The following OR52N2 variants were observed in gnomAD, a reference collection of about 807,000 sequenced individuals.
The protein encoded by OR52N2 is olfactory receptor family 52 subfamily N member 2.
For synonymous variants in OR52N2, 129 were observed against 72.0 expected, an observed-to-expected ratio of 1.79 and a Z score of -4.01; for missense variants, 326 against 196.6, an observed-to-expected ratio of 1.66 and a Z score of -3.94.
At chr11:5,819,117 A>G (rs1041756556) in intron 1 of OR52N2, among the ~76,000 whole-genome samples, 6 of 152,158 alleles carry the variant, frequency 3.9e-5, no homozygotes, top group Non-Finnish European at 5.9e-5. Context: ...CTGCAAATGT[A>G]TATCTATTTC....
In OR52N2 at chr11:5,820,674, G is replaced by A. The variant is rs896770442; in HGVS notation, c.339G>A (p.Glu113=). The change falls in exon 2 of 2, where the codon GAG becomes GAA. Residue 113 remains glutamate (E), a synonymous_variant. Transcript: ENST00000317037. ...MFFVHMLTGM[E]SGVLMLMALD... is the part of the protein sequence containing the mutation. The stretch of plus-strand genomic sequence containing the variant: ...TTGTCCATATGCTGACAGGGATGGA[G>A]TCTGGGGTGCTCATGCTCATGGCCC... The A allele has an allele frequency of 1.3e-6, 1 of 792,670 alleles. No individual in the cohort carries two copies. The highest frequency in any genetic ancestry group is 1.7e-5 in the Admixed American group (1 of 59,050). The allele number at this position is 792,670 out of a possible 1,614,324, so 49.1% of individuals were successfully genotyped here.
chr11:5,820,160 T>C (rs1481915261), intron 1 of OR52N2, among the ~76,000 whole-genome samples, 122 bp from the exon 2 acceptor site: 1 of 152,202 alleles, frequency 6.6e-6, no homozygotes, highest in Non-Finnish European at 1.5e-5. Context: ...TCTTTCTTGC[T>C]ATAGTTGGAA....
chr11:5,815,388 C>A (rs563201623), intron 1 of OR52N2, among the ~76,000 whole-genome samples: 29 of 152,010 alleles, frequency 1.9e-4, no homozygotes, highest in African/African-American at 5.3e-4. Flanking sequence ...ACAACAACAA[C>A]AAACAGCTTA....
chr11:5,811,062 A>G (rs1029562766), intron 1 of OR52N2, among the ~76,000 whole-genome samples: 4 of 151,020 alleles, frequency 2.6e-5, no homozygotes, highest in Non-Finnish European at 5.9e-5. Flanking sequence ...AAATATTTAT[A>G]AAATATGATA....
rs749362412 is a variant in OR52N2 at position 5,821,068 on chromosome 11, T to C, written c.733T>C (p.Ser245Pro). ...TCACAAAGCCTTCAGCACCTGCACA[T>C]CTCACATGTGTTCCATTGTGATCAC... ...ARHKAFSTCT[S>P]HMCSIVITYV... The change falls in exon 2 of 2, where the codon TCT becomes CCT. Residue 245 changes from serine to proline, a missense_variant. Physicochemically the swap from Ser to Pro is moderately conservative, Grantham distance 74 (BLOSUM62 -1). Coordinates refer to ENST00000317037, the MANE Select transcript of OR52N2 (RefSeq NM_001005174.3). 1 of 780,914 alleles carries C rather than the reference T, an allele frequency of 1.3e-6. No individual in the cohort carries two copies. Among genetic ancestry groups the C allele is most frequent in the Non-Finnish European group, 2.4e-6 (1 of 418,106 alleles). 48.4% of individuals were successfully genotyped at this position (780,914 alleles called of 1,614,324 possible). A position where few individuals can be genotyped will look rare whatever the true frequency, so the allele number is the denominator to read the frequency against.
intron 1 of OR52N2, among the ~76,000 whole-genome samples, chr11:5,812,167 ATTC>A (rs1846367008): frequency 1.2e-5 from 1 of 86,630 alleles, no homozygotes; most frequent in South Asian, 3.4e-4. Context: ...AAACCTGCAC[ATTC>A]TGCACACGTA....
At chr11:5,811,288 AAT>A (rs1185681936) in intron 1 of OR52N2, among the ~76,000 whole-genome samples, 1 of 30,988 alleles carries the variant, frequency 3.2e-5, no homozygotes, top group East Asian at 6.5e-4. Flanking sequence ...AACTCTGAAT[AAT>A]ACTGTTATGG....
chr11:5,820,498 G>A lies in OR52N2; in HGVS notation c.163G>A (p.Glu55Lys). ...GCTCATCTGCCTCATCAGCCATGAG[G>A]AGGCCCTGCACCGGCCCATGTACTA... ...CGLICLISHE[E>K]ALHRPMYYFL... is the part of the protein sequence containing the mutation. Residue 55 changes from glutamate to lysine, a missense_variant, in exon 2 of 2, where the codon GAG becomes AAG. Coordinates refer to ENST00000317037, the MANE Select transcript of OR52N2 (RefSeq NM_001005174.3). 1 of 778,882 alleles carries A rather than the reference G, an allele frequency of 1.3e-6. No homozygotes were observed. The highest frequency in any genetic ancestry group is 1.3e-5 in the South Asian group (1 of 74,230). The allele number at this position is 778,882 out of a possible 1,614,324, so 48.2% of individuals were successfully genotyped here. A position where few individuals can be genotyped will look rare whatever the true frequency, so the allele number is the denominator to read the frequency against.
Position 5,820,350 on chromosome 11 carries a change from C to T in OR52N2, c.15C>T (p.Asn5=), listed in dbSNP as rs1354783483. MSGD[N]SSSLTPGFFI... ...TGTCAGCCATCATGTCTGGGGACAA[C>T]AGCTCCAGCCTGACCCCAGGATTCT... Residue 5 remains asparagine, a synonymous_variant, in exon 2 of 2, where the codon AAC becomes AAT. Coordinates refer to ENST00000317037, the MANE Select transcript of OR52N2 (RefSeq NM_001005174.3). 7.7e-6 allele frequency: 6 copies of T among 780,690 alleles called. No homozygotes were observed. The highest frequency in any genetic ancestry group is 1.4e-5 in the Non-Finnish European group (6 of 418,014). The allele number at this position is 780,690 out of a possible 1,614,324, so 48.4% of individuals were successfully genotyped here.
At position 5,821,179 on chromosome 11, in the gene OR52N2, C is replaced by G. The variant is rs1465461457; in HGVS notation, c.844C>G (p.Leu282Val). The change falls in exon 2 of 2, where the codon CTT becomes GTT. Residue 282 changes from leucine to valine, a missense_variant. By Grantham distance (32) the Leu-to-Val change is conservative. Transcript: ENST00000317037. ...PNHIHIIVAN[L>V]YLLLPPTMNP... ...CCACATACACATCATCGTGGCCAAC[C>G]TTTATCTGCTACTGCCTCCTACCAT... The G allele has an allele frequency of 2.6e-6, 2 of 781,024 alleles. No homozygotes were observed. The highest frequency in any genetic ancestry group is 2.4e-5 in the East Asian group (1 of 41,238). 48.4% of individuals were successfully genotyped at this position (781,024 alleles called of 1,614,324 possible). A position where few individuals can be genotyped will look rare whatever the true frequency, so the allele number is the denominator to read the frequency against.
chr11:5,816,428 T>TA (rs1433629706), intron 1 of OR52N2, among the ~76,000 whole-genome samples: 2 of 152,190 alleles, frequency 1.3e-5, no homozygotes, highest in Non-Finnish European at 2.9e-5. Context: ...AGTGATAAAT[T>TA]ATAGGGCACC....
In OR52N2 at chr11:5,820,584, G is replaced by A. The variant is rs1846440169; in HGVS notation, c.249G>A (p.Met83Ile). The change falls in exon 2 of 2, where the codon ATG (methionine) becomes ATA (isoleucine). Residue 83 changes from methionine to isoleucine, a missense_variant. By Grantham distance (10) the Met-to-Ile change is conservative. Coordinates refer to ENST00000317037, the MANE Select transcript of OR52N2 (RefSeq NM_001005174.3). ...TGTGCACCACCATGGTACCTAATAT[G>A]CTGTGCATATTCTGGTTCAACCTCA... ...VTLCTTMVPN[M>I]LCIFWFNLKE... 1 of 781,374 alleles carries A rather than the reference G, an allele frequency of 1.3e-6. No homozygotes were observed. The highest frequency in any genetic ancestry group is 2.4e-6 in the Non-Finnish European group (1 of 418,624). The allele number at this position is 781,374 out of a possible 1,614,324, so 48.4% of individuals were successfully genotyped here. A position where few individuals can be genotyped will look rare whatever the true frequency, so the allele number is the denominator to read the frequency against.
At chr11:5,814,108 T>A (rs1375718925) in intron 1 of OR52N2, among the ~76,000 whole-genome samples, 2 of 152,154 alleles carry the variant, frequency 1.3e-5, no homozygotes, top group African/African-American at 4.8e-5. Context: ...AAGACATAGG[T>A]ATCCTCTTTC....
intron 1 of OR52N2, among the ~76,000 whole-genome samples, chr11:5,813,783 G>C (rs1235657198): frequency 6.6e-6 from 1 of 152,086 alleles, no homozygotes; most frequent in Non-Finnish European, 1.5e-5. Context: ...ACAAATTCTA[G>C]TGAACCGAAT....
At position 5,820,969 on chromosome 11, in the gene OR52N2, G is replaced by A; in HGVS notation, c.634G>A (p.Asp212Asn). 1 of 781,026 alleles carries A rather than the reference G, an allele frequency of 1.3e-6. No individual in the cohort carries two copies. Among genetic ancestry groups the A allele is most frequent in the Non-Finnish European group, 2.4e-6 (1 of 418,118 alleles). 48.4% of individuals were successfully genotyped at this position (781,026 alleles called of 1,614,324 possible). A position where few individuals can be genotyped will look rare whatever the true frequency, so the allele number is the denominator to read the frequency against. ...GGTTGCTCTCCTGATTGGTGTGTTTGATATCTGCTGTATCTCTGTATCTTA... is the reference window on the plus strand; with the variant it reads ...GGTTGCTCTCCTGATTGGTGTGTTTAATATCTGCTGTATCTCTGTATCTTA... The part of the protein sequence containing the change: ...LMVALLIGVF[D>N]ICCISVSYTM... Residue 212 changes from aspartate (D) to asparagine (N), a missense_variant, in exon 2 of 2, where the codon GAT (aspartate) becomes AAT (asparagine). Transcript: ENST00000317037.
At chr11:5,813,716 A>G (rs989543057) in intron 1 of OR52N2, among the ~76,000 whole-genome samples, 2 of 152,116 alleles carry the variant, frequency 1.3e-5, no homozygotes, top group African/African-American at 4.8e-5. Context: ...CCAGACAAGG[A>G]CAACAAAAAA....
At chr11:5,811,662 A>G (rs1050724396) in intron 1 of OR52N2, among the ~76,000 whole-genome samples, 1 of 152,206 alleles carries the variant, frequency 6.6e-6, no homozygotes, top group Non-Finnish European at 1.5e-5. Flanking sequence ...GAAGGGAAGA[A>G]AGAATGTAAA....
At chr11:5,810,775 CT>C (rs34182338) in intron 1 of OR52N2, among the ~76,000 whole-genome samples, 6 of 151,162 alleles carry the variant, frequency 4.0e-5, no homozygotes, top group Admixed American at 2.0e-4. Context: ...AGTACACAAT[CT>C]TTTTTTTTAA....
Position 5,821,220 on chromosome 11 carries a change from T to G in OR52N2, c.885T>G (p.Tyr295Ter), listed in dbSNP as rs140716674. Reference sequence around the variant, plus strand: ...CTCCTACCATGAACCCAATTGTTTATGGAGTCAAGACCAAGCAGATTCAGG... The same window carrying G: ...CTCCTACCATGAACCCAATTGTTTAGGGAGTCAAGACCAAGCAGATTCAGG... ...LLPPTMNPIVYGVKTKQIQEG... is the reference protein window; with the variant it reads ...LLPPTMNPIV The change falls in exon 2 of 2, where the codon TAT becomes TAG. Residue 295 changes from tyrosine (Y) to a stop codon, truncating the protein, a stop_gained. Coordinates refer to ENST00000317037, the MANE Select transcript of OR52N2 (RefSeq NM_001005174.3). LOFTEE classifies it low-confidence loss of function (END_TRUNC). 1.8e-4 allele frequency: 144 copies of G among 781,032 alleles called. No homozygotes were observed. Among genetic ancestry groups the G allele is most frequent in the Non-Finnish European group, 2.8e-4 (118 of 418,108 alleles). 48.4% of individuals were successfully genotyped at this position (781,032 alleles called of 1,614,324 possible).
Sources: gnomAD v4.1 joint callset for allele counts (sites outside exome capture counted in the v4.1 genomes callset) on GRCh38, gnomAD v4.1.1 for gene constraint, MANE v1.5 for transcripts, NCBI Gene and HGNC (gene_info 2026-07-23, HGNC 2026-07-21) for gene names.